CTNNA2: variants seen among roughly 807,000 people sequenced by gnomAD.
CTNNA2 encodes catenin alpha 2.
Under a neutral mutation model 101.0 loss-of-function variants are expected in CTNNA2, and 42 were observed. The ratio of observed to expected loss-of-function variants is 0.42; its 90% CI spans 0.32 to 0.54. The LOEUF is 0.54. CTNNA2 is among the 20% of genes least tolerant of loss of function. CTNNA2 has a pLI of 0.14. For missense variants in CTNNA2, 871 were observed against 1,223.1 expected (o/e 0.71, Z 4.29); for synonymous variants, 450 against 456.4 (o/e 0.99, Z 0.18).
intron 8 of CTNNA2, among the ~76,000 whole-genome samples, chr2:80,406,194 A>G (rs1451074405): frequency 2.0e-5 from 3 of 152,136 alleles, no homozygotes; most frequent in Non-Finnish European, 4.4e-5. Context: ...CATCTCTACT[A>G]AAAATACAAA....
At chr2:79,195,889 G>A (rs1448753203) in intron 1 of CTNNA2, 1 of 498,030 alleles carries the variant, frequency 2.0e-6, no homozygotes, top group Non-Finnish European at 4.0e-6. Context: ...GAAATTAGGG[G>A]GCAGAGGTGC....
At chr2:80,067,052 A>G (rs1214713935) in intron 7 of CTNNA2, among the ~76,000 whole-genome samples, 1 of 152,206 alleles carries the variant, frequency 6.6e-6, no homozygotes, top group Non-Finnish European at 1.5e-5. Context: ...TCATAGAAGC[A>G]GAGAATAGAA....
chr2:79,754,114 A>T (rs1475647475), intron 3 of CTNNA2, among the ~76,000 whole-genome samples: 2 of 151,946 alleles, frequency 1.3e-5, no homozygotes, highest in African/African-American at 2.4e-5. Flanking sequence ...TGATCTGCCC[A>T]CCTAGGCCTC....
intron 3 of CTNNA2, among the ~76,000 whole-genome samples, chr2:79,780,787 T>C (rs980737700): frequency 3.9e-5 from 6 of 152,240 alleles, no homozygotes; most frequent in African/African-American, 1.2e-4. Flanking sequence ...ATAAAATTCA[T>C]GCAACTTATA....
intron 2 of CTNNA2, among the ~76,000 whole-genome samples, chr2:79,245,766 C>A (rs1254444430): frequency 6.6e-6 from 1 of 152,178 alleles, no homozygotes; most frequent in Non-Finnish European, 1.5e-5. Flanking sequence ...GAAAGATGCT[C>A]CTGCATTGTC....
At chr2:80,052,142 G>C (rs1308494260) in intron 7 of CTNNA2, among the ~76,000 whole-genome samples, 1 of 152,150 alleles carries the variant, frequency 6.6e-6, no homozygotes, top group African/African-American at 2.4e-5. Flanking sequence ...CTTTAAATAT[G>C]ATCTGAAATA....
intron 8 of CTNNA2, among the ~76,000 whole-genome samples, chr2:80,401,423 A>C (rs1192881301): frequency 2.6e-5 from 4 of 152,164 alleles, no homozygotes; most frequent in African/African-American, 9.7e-5. Flanking sequence ...TAATGAGGAT[A>C]CCCTAATCCA....
intron 7 of CTNNA2, among the ~76,000 whole-genome samples, chr2:79,923,108 T>C (rs1469041662): frequency 6.6e-6 from 1 of 152,130 alleles, no homozygotes; most frequent in Non-Finnish European, 1.5e-5. Flanking sequence ...CCTTGTGGGA[T>C]ATTTCTTACA....
At chr2:79,873,276 A>G (rs1011976094) in intron 5 of CTNNA2, among the ~76,000 whole-genome samples, 1 of 151,364 alleles carries the variant, frequency 6.6e-6, no homozygotes, top group Admixed American at 6.6e-5. Context: ...CAATCAATTT[A>G]CCTTCTTGGT....
At chr2:80,608,959 G>C (rs1558640690) in intron 17 of CTNNA2, among the ~76,000 whole-genome samples, 1 of 151,876 alleles carries the variant, frequency 6.6e-6, no homozygotes, top group East Asian at 1.9e-4. Context: ...ATAGAAATAA[G>C]TTCAATGAAT....
At chr2:79,629,397 C>CT (rs898518214) in intron 1 of CTNNA2, among the ~76,000 whole-genome samples, 4 of 152,174 alleles carry the variant, frequency 2.6e-5, no homozygotes, top group African/African-American at 4.8e-5. Flanking sequence ...TATTGGCCAT[C>CT]TTTTTTTAAC....
intron 7 of CTNNA2, among the ~76,000 whole-genome samples, chr2:80,162,079 C>T (rs1302067331): frequency 2.0e-5 from 3 of 152,090 alleles, no homozygotes; most frequent in Admixed American, 6.6e-5. Context: ...CCATTTTAGA[C>T]TGTCAACCTG....
chr2:79,770,554 G>A (rs1329972257), intron 3 of CTNNA2, among the ~76,000 whole-genome samples: 1 of 152,158 alleles, frequency 6.6e-6, no homozygotes, highest in Non-Finnish European at 1.5e-5. Context: ...CACACAGTAA[G>A]CTATGTTTGA....
intron 4 of CTNNA2, among the ~76,000 whole-genome samples, chr2:79,471,874 TG>T (rs1225413069): frequency 2.6e-5 from 4 of 152,034 alleles, no homozygotes; most frequent in Non-Finnish European, 4.4e-5. Context: ...ATATCAGTTG[TG>T]GGGAGGCACA....
rs202053681 is a variant in CTNNA2, at chr2:80,647,799, G to A, written c.2789G>A (p.Arg930Gln). ...CCTGAAGAATTCCAGACACGAGTTC[G>A]ACGAGGTTCTCAGAAGAAACACATT... ...EKPEEFQTRV[R>Q]RGSQKKHISP... The change falls in exon 19 of 19, where the codon CGA (arginine) becomes CAA (glutamine). Residue 930 changes from arginine (R) to glutamine (Q), a missense_variant. By Grantham distance (43) the Arg-to-Gln change is conservative (BLOSUM62 1). This residue lies in a region of CTNNA2 where 41 missense variants were observed against 45.1 expected (regional missense o/e 0.91). Coordinates refer to ENST00000402739, the MANE Select transcript of CTNNA2 (RefSeq NM_001282597.3). The A allele has an allele frequency of 4.3e-6, 7 of 1,613,602 alleles. No homozygotes were observed. The highest frequency in any genetic ancestry group is 1.3e-5 in the African/African-American group (1 of 75,010).
chr2:80,520,841 T>A (rs1689482920), intron 9 of CTNNA2, among the ~76,000 whole-genome samples: 1 of 152,192 alleles, frequency 6.6e-6, no homozygotes. Context: ...GCATTAGGAT[T>A]GGCCTACACT....
chr2:79,249,103 A>G (rs530392006), intron 2 of CTNNA2, among the ~76,000 whole-genome samples: 2 of 152,278 alleles, frequency 1.3e-5, no homozygotes, highest in Admixed American at 6.5e-5. Flanking sequence ...AGTTACCTAA[A>G]TATTCCAGGA....
intron 7 of CTNNA2, among the ~76,000 whole-genome samples, chr2:80,159,126 A>G (rs1350706797): frequency 1.3e-5 from 2 of 152,216 alleles, no homozygotes; most frequent in Admixed American, 1.3e-4. Flanking sequence ...TGTGAACACA[A>G]GACTTCATTT....
intron 15 of CTNNA2, among the ~76,000 whole-genome samples, chr2:80,592,839 G>A (rs1160042617): frequency 1.3e-5 from 2 of 152,132 alleles, no homozygotes; most frequent in East Asian, 3.9e-4. Context: ...AGAATATACT[G>A]AGGCATAGAT....
Sources: allele counts gnomAD v4.1 joint callset (sites outside exome capture counted in the v4.1 genomes callset), GRCh38; gene constraint gnomAD v4.1.1; regional missense constraint gnomAD v4.1.1; transcripts MANE v1.5; gene names NCBI Gene and HGNC (gene_info 2026-07-23, HGNC 2026-07-21).